Variants in SEMA4D observed in about 807,000 individuals in gnomAD.
SEMA4D encodes semaphorin 4D, also known as semaphorin-4D.
A neutral mutation model predicts 74.8 loss-of-function variants in SEMA4D; 22 were observed. The ratio of observed to expected loss-of-function variants is 0.29; its 90% confidence interval spans 0.21 to 0.42. The LOEUF (loss-of-function observed/expected upper bound fraction) is 0.42, where lower values mean the gene tolerates loss of function less well. Ranked by LOEUF, SEMA4D falls within the 10% of genes least tolerant of loss-of-function variation. SEMA4D has a pLI of 1.00. For synonymous variants in SEMA4D, 445 were observed against 463.7 expected (o/e 0.96, Z 0.52); for missense variants, 937 against 1,118.4 (o/e 0.84, Z 2.31).
At chr9:89,418,293 G>T in intron 2 of SEMA4D, 1 of 815,876 alleles carries the variant, frequency 1.2e-6, no homozygotes, top group Non-Finnish European at 1.5e-6. Flanking sequence ...CAGCACTGGG[G>T]CAGACAGGAG....
At chr9:89,363,867 C>T (rs757086246) in exon 17 of SEMA4D, 26 of 1,614,126 alleles carry the variant, frequency 1.6e-5, no homozygotes, top group South Asian at 1.3e-4. Context: ...GCCCTGCCAT[C>T]GGGCAGTGCA....
rs573805279 is a variant in SEMA4D at position 89,438,741 on chromosome 9, C to T, written c.-244+17147G>A. On this transcript the variant is annotated intron_variant, in intron 2 of 15. Coordinates refer to ENST00000422704, the MANE Select transcript of SEMA4D (RefSeq NM_001371194.2). ...AATGCAGTGGCGCAATCTCGGCTCA[C>T]TGCAAGCTCTGCCTCCCAGGTTCAC... Among the ~76,000 whole-genome samples, 13 of 151,966 alleles carry T rather than the reference C, an allele frequency of 8.6e-5. No individual in the cohort carries two copies. In the East Asian group the frequency reaches 2.5e-3, roughly 29 times the overall value.
intron 9 of SEMA4D, among the ~76,000 whole-genome samples, 182 bp from the exon 10 acceptor site, chr9:89,389,229 T>A (rs2133112268): frequency 6.6e-6 from 1 of 152,274 alleles, no homozygotes; most frequent in African/African-American, 2.4e-5. Flanking sequence ...CACGTCCAGG[T>A]TCCAGCTTGG....
At chr9:89,389,887 G>A (rs1378241776) in intron 9 of SEMA4D, among the ~76,000 whole-genome samples, 1 of 152,176 alleles carries the variant, frequency 6.6e-6, no homozygotes, top group Non-Finnish European at 1.5e-5. Context: ...GGTCTCATGT[G>A]GCTTTCAGGT....
intron 2 of SEMA4D, among the ~76,000 whole-genome samples, chr9:89,443,051 C>T (rs1852011869): frequency 6.6e-6 from 1 of 152,208 alleles, no homozygotes; most frequent in African/African-American, 2.4e-5. Context: ...CCTGCACAGC[C>T]TCTGCCTGAC....
In SEMA4D at chr9:89,379,386, A is replaced by G; in HGVS notation, c.1907T>C (p.Phe636Ser). 6.2e-7 allele frequency: 1 copy of G among 1,614,142 alleles called. No individual in the cohort carries two copies. The highest frequency in any genetic ancestry group is 8.5e-7 in the Non-Finnish European group (1 of 1,180,022). ...SEERVKNKTV[F>S]QVVAKHVLEV... ...CAGGACGTGCTTGGCGACCACTTGGAAGACCGTTTTGTTCTTAACCCTCTC... is the reference window on the plus strand; with the variant it reads ...CAGGACGTGCTTGGCGACCACTTGGGAGACCGTTTTGTTCTTAACCCTCTC... Residue 636 changes from phenylalanine (F) to serine (S), a missense_variant, in exon 16 of 16, where the codon TTC becomes TCC. Physicochemically the swap from Phe to Ser is radical, Grantham distance 155. Transcript: ENST00000422704.
intron 2 of SEMA4D, chr9:89,418,331 G>C (rs1193569870): frequency 1.0e-6 from 1 of 972,914 alleles, no homozygotes; most frequent in Non-Finnish European, 1.2e-6. Context: ...ACCCACCCAC[G>C]AACAGAGGGG....
chr9:89,364,161 T>A, intron 16 of SEMA4D: 1 of 976,208 alleles, frequency 1.0e-6, no homozygotes, highest in Non-Finnish European at 1.5e-6. Flanking sequence ...GACTTCCTGC[T>A]CTTTGACCTT....
intron 2 of SEMA4D, among the ~76,000 whole-genome samples, chr9:89,406,805 C>T (rs974168347): frequency 6.6e-6 from 1 of 152,210 alleles, no homozygotes; most frequent in Non-Finnish European, 1.5e-5. Flanking sequence ...TAGAACCCCA[C>T]TCCTCCCTAC....
At chr9:89,494,222 C>G (rs1363496392) in intron 1 of SEMA4D, among the ~76,000 whole-genome samples, 1 of 152,178 alleles carries the variant, frequency 6.6e-6, no homozygotes, top group Admixed American at 6.5e-5. Flanking sequence ...AAAAATAATT[C>G]CTTGTAACAG....
rs1825699170 is a variant in SEMA4D, at chr9:89,492,416, C to T, written c.-310+5503G>A. Among the ~76,000 whole-genome samples, 1 of 152,086 alleles carries T rather than the reference C, an allele frequency of 6.6e-6. No individual in the cohort carries two copies. Among genetic ancestry groups the T allele is most frequent in the Non-Finnish European group, 1.5e-5 (1 of 68,010 alleles). ...TCCCTAGTGGTCTCATCCAAACTCC[C>T]TTTCAAAATGTCATCTCTATAGCTA... is the stretch of plus-strand genomic sequence containing the variant. On this transcript the variant is annotated intron_variant, in intron 1 of 15. Transcript: ENST00000422704. The surrounding 1 kb of genome is among the most constrained non-coding windows in gnomAD (Gnocchi z 4.3).
intron 1 of SEMA4D, among the ~76,000 whole-genome samples, chr9:89,460,854 C>G (rs1857036496): frequency 6.6e-6 from 1 of 152,226 alleles, no homozygotes; most frequent in South Asian, 2.1e-4. Flanking sequence ...ACAGGCAGGG[C>G]TTAGCAGGGC....
intron 2 of SEMA4D, among the ~76,000 whole-genome samples, chr9:89,440,252 G>T (rs1851403919): frequency 6.6e-6 from 1 of 152,132 alleles, no homozygotes; most frequent in Middle Eastern, 3.2e-3. Flanking sequence ...CTGCCAGGAA[G>T]CAGTGACCAC....
At chr9:89,363,273 C>CCA (rs1554729745) in intron 18 of SEMA4D, among the ~76,000 whole-genome samples, 4 of 152,152 alleles carry the variant, frequency 2.6e-5, no homozygotes, top group African/African-American at 7.2e-5. Context: ...GATTTCCCCC[C>CCA]CCAGTGTTGC....
intron 2 of SEMA4D, among the ~76,000 whole-genome samples, chr9:89,452,184 T>TTTG (rs754450661): frequency 9.5e-4 from 139 of 146,576 alleles, no homozygotes; most frequent in Non-Finnish European, 3.2e-4. Flanking sequence ...TTTTTTTTGT[T>TTTG]TTTTTTTTTT....
chr9:89,375,172 C>G (rs1835621732), downstream of SEMA4D, among the ~76,000 whole-genome samples: 1 of 152,218 alleles, frequency 6.6e-6, no homozygotes, highest in African/African-American at 2.4e-5. Context: ...TTCCCAGCCT[C>G]CCCACCGAGG....
At chr9:89,460,754 C>T (rs891535251) in intron 1 of SEMA4D, among the ~76,000 whole-genome samples, 8 of 152,244 alleles carry the variant, frequency 5.3e-5, no homozygotes, top group Admixed American at 2.0e-4. Context: ...CTCACAGACA[C>T]GGGCATCCTA....
In SEMA4D at chr9:89,384,467, C is replaced by T. The variant is rs79028559; in HGVS notation, c.1446+1900G>A. Among the ~76,000 whole-genome samples the T allele has an allele frequency of 9.0e-3, 1,364 of 152,192 alleles. 25 individuals are homozygous for T. The highest frequency in any genetic ancestry group is 0.031 in the African/African-American group (1,279 of 41,502). On this transcript the variant is annotated intron_variant, in intron 13 of 15. Transcript: ENST00000422704. ...GAAACAGAAAGCAGAATGGCGGCTG[C>T]CCAGGGCTGGAGGAGGGGAAAATGA...
chr9:89,387,740 A>G (rs1287149800), intron 11 of SEMA4D, 132 bp from the exon 12 acceptor site: 1 of 705,290 alleles, frequency 1.4e-6, no homozygotes, highest in Non-Finnish European at 2.4e-6. Flanking sequence ...AAATGAGGGT[A>G]GCAGTGAATA....
Sources: gnomAD v4.1 joint callset for allele counts (sites outside exome capture counted in the v4.1 genomes callset) on GRCh38, gnomAD v4.1.1 for gene constraint, Gnocchi (gnomAD v3.1) non-coding constraint, MANE v1.5 for transcripts, NCBI Gene and HGNC (gene_info 2026-07-23, HGNC 2026-07-21) for gene names.